Variants in BORCS5 observed in about 807,000 individuals in gnomAD.
BORCS5 encodes the protein BLOC-1-related complex subunit 5.
In BORCS5, 17 loss-of-function variants were observed where a neutral mutation model predicts 22.1. That is an observed-to-expected ratio of 0.77 (90% CI 0.53 to 1.15). BORCS5 has a LOEUF of 1.15. Among genes scored for constraint, BORCS5 ranks in the 50% most tolerant of loss-of-function variants. The pLI is 0.00. For synonymous variants in BORCS5, 117 were observed against 99.8 expected (o/e 1.17, Z -1.03); for missense variants, 247 against 253.2 (o/e 0.98, Z 0.17).
At chr12:12,384,754 A>G (rs1436339919) in intron 2 of BORCS5, among the ~76,000 whole-genome samples, 1 of 151,222 alleles carries the variant, frequency 6.6e-6, no homozygotes, top group African/African-American at 2.4e-5. Flanking sequence ...TCTGTGGGTC[A>G]GGGATTCTGG....
intron 2 of BORCS5, among the ~76,000 whole-genome samples, chr12:12,388,131 T>C (rs1863923171): frequency 6.6e-6 from 1 of 151,488 alleles, no homozygotes; most frequent in African/African-American, 2.4e-5. Context: ...TGGTATCTGA[T>C]TATCAGTACC....
intron 3 of BORCS5, among the ~76,000 whole-genome samples, chr12:12,439,606 G>A (rs564638624): frequency 2.0e-5 from 3 of 152,350 alleles, no homozygotes; most frequent in East Asian, 1.9e-4. Flanking sequence ...GGGCTACAGA[G>A]CAAGACCCTG....
intron 2 of BORCS5, among the ~76,000 whole-genome samples, chr12:12,379,290 T>G (rs1281759276): frequency 3.3e-5 from 5 of 150,582 alleles, no homozygotes; most frequent in African/African-American, 9.8e-5. Context: ...TTGGCTAATT[T>G]TTGTATCTTT....
At chr12:12,397,272 C>G (rs1010939530) in intron 2 of BORCS5, among the ~76,000 whole-genome samples, 1 of 152,112 alleles carries the variant, frequency 6.6e-6, no homozygotes, top group Admixed American at 6.5e-5. Context: ...ACTGATTCCC[C>G]TAGGGTGACA....
chr12:12,412,597 T>C, intron 2 of BORCS5, among the ~76,000 whole-genome samples: 1 of 152,192 alleles, frequency 6.6e-6, no homozygotes. Flanking sequence ...CTTTCTAATT[T>C]CGATGCCTTT....
At chr12:12,441,510 C>G (rs151250682) in intron 3 of BORCS5, among the ~76,000 whole-genome samples, 2 of 151,350 alleles carry the variant, frequency 1.3e-5, no homozygotes, top group Non-Finnish European at 2.9e-5. Flanking sequence ...CTAGGGACCA[C>G]GCCTGCCATG....
chr12:12,427,172 C>CTTTTTTTTTTT (rs869191667), intron 2 of BORCS5, among the ~76,000 whole-genome samples: 53 of 84,466 alleles, frequency 6.3e-4, no homozygotes, highest in Non-Finnish European at 7.8e-4. Flanking sequence ...TCTTTCTTTT[C>CTTTTTTTTTTT]TTTTTTTTTT....
At chr12:12,373,675 T>C (rs796921542) in intron 2 of BORCS5, among the ~76,000 whole-genome samples, 7 of 152,334 alleles carry the variant, frequency 4.6e-5, no homozygotes, top group African/African-American at 1.7e-4. Context: ...TTCTGCAACA[T>C]ATTGATAAGC....
At chr12:12,375,445 C>A (rs576157008) in intron 2 of BORCS5, among the ~76,000 whole-genome samples, 1 of 152,174 alleles carries the variant, frequency 6.6e-6, no homozygotes, top group Non-Finnish European at 1.5e-5. Context: ...GCAACATAGA[C>A]CTCATTTCTA....
At position 12,415,836 on chromosome 12, in the gene BORCS5, C is replaced by T. The variant is rs184993970; in HGVS notation, c.203-19792C>T. Among the ~76,000 whole-genome samples, 115 of 151,982 alleles carry T rather than the reference C, an allele frequency of 7.6e-4. 1 individual carries two copies. Among genetic ancestry groups the T allele is most frequent in the African/African-American group, 2.5e-3 (104 of 41,464 alleles). On this transcript the variant is annotated intron_variant, in intron 2 of 3. Transcript: ENST00000314565. ...TGCTTTGGAATCAGGGTAATGCTGCCCTCATAGATGAGTTAGGGAGTGTTT... is the reference window on the plus strand; with the variant it reads ...TGCTTTGGAATCAGGGTAATGCTGCTCTCATAGATGAGTTAGGGAGTGTTT...
At chr12:12,360,459 A>G (rs1863255334) in intron 1 of BORCS5, among the ~76,000 whole-genome samples, 1 of 151,210 alleles carries the variant, frequency 6.6e-6, no homozygotes. Context: ...TGGTGTGATC[A>G]TGGCTCACTG....
At chr12:12,452,395 G>A in intron 3 of BORCS5, 1 of 583,474 alleles carries the variant, frequency 1.7e-6, no homozygotes, top group Non-Finnish European at 3.4e-6. Flanking sequence ...CAAAACATTT[G>A]TCTAATGTTT....
rs1321996573 is a variant in BORCS5, at chr12:12,469,646, A to G, written c.*3870A>G. On this transcript the variant is annotated 3_prime_UTR_variant, in exon 4 of 4. Transcript: ENST00000314565. ...AGTAATTCCCAAGGCAAAACCAGGA[A>G]TTGTCAGAGACGTGACCAGACATGT... 6.6e-6 allele frequency: 1 copy of G among 152,240 alleles called. No homozygotes were observed. The highest frequency in any genetic ancestry group is 2.4e-5 in the African/African-American group (1 of 41,466). 9.4% of individuals were successfully genotyped at this position (152,240 alleles called of 1,614,324 possible).
intron 3 of BORCS5, among the ~76,000 whole-genome samples, chr12:12,445,806 ATTTTT>A (rs1174003674): frequency 4.7e-5 from 6 of 127,414 alleles, no homozygotes; most frequent in Non-Finnish European, 1.0e-4. Flanking sequence ...GCTGACTTTA[ATTTTT>A]TTTTTTTTTT....
chr12:12,364,669 T>G lies in BORCS5; in HGVS notation c.202+3320T>G, dbSNP rs552745740. Reference sequence around the variant, plus strand: ...TGTTAAGGGAAGCTAACCTCAGATTTGAAGTCATCACTGAGGGCTGGCCAT... The same window carrying G: ...TGTTAAGGGAAGCTAACCTCAGATTGGAAGTCATCACTGAGGGCTGGCCAT... On this transcript the variant is annotated intron_variant, in intron 2 of 3. Coordinates refer to ENST00000314565, the MANE Select transcript of BORCS5 (RefSeq NM_058169.6). Among the ~76,000 whole-genome samples the G allele has an allele frequency of 4.6e-5, 7 of 152,256 alleles. No homozygotes were observed. The South Asian group carries it at 6.2e-4, about 14-fold the overall frequency.
chr12:12,380,760 T>C (rs1377347768), intron 2 of BORCS5, among the ~76,000 whole-genome samples: 1 of 151,416 alleles, frequency 6.6e-6, no homozygotes, highest in Non-Finnish European at 1.5e-5. Context: ...TCTCTTTATT[T>C]CTGATTATAG....
intron 3 of BORCS5, among the ~76,000 whole-genome samples, chr12:12,443,651 G>A (rs1023321732): frequency 1.3e-5 from 2 of 152,254 alleles, no homozygotes; most frequent in African/African-American, 4.8e-5. Flanking sequence ...GGAAATGTAG[G>A]CTTGTGTTTT....
chr12:12,375,146 A>G (rs529252837), intron 2 of BORCS5, among the ~76,000 whole-genome samples: 7 of 152,004 alleles, frequency 4.6e-5, no homozygotes, highest in African/African-American at 1.7e-4. Flanking sequence ...TGAGTAGCTG[A>G]TATTACAGGT....
At chr12:12,428,294 C>G (rs536912737) in intron 2 of BORCS5, among the ~76,000 whole-genome samples, 4 of 152,168 alleles carry the variant, frequency 2.6e-5, no homozygotes, top group Non-Finnish European at 5.9e-5. Context: ...AGAATATTTC[C>G]CACACTTCTA....
Sources: gnomAD v4.1 joint callset for allele counts (sites outside exome capture counted in the v4.1 genomes callset) on GRCh38, gnomAD v4.1.1 for gene constraint, MANE v1.5 for transcripts, NCBI Gene and HGNC (gene_info 2026-07-23, HGNC 2026-07-21) for gene names.